The following ENOPH1 variants were observed in gnomAD, a reference collection of about 807,000 sequenced individuals.
ENOPH1 encodes enolase-phosphatase E1.
In ENOPH1, 14 loss-of-function variants were observed where a neutral mutation model predicts 31.1. The ratio of observed to expected loss-of-function variants is 0.45; its 90% CI spans 0.30 to 0.70. The LOEUF is 0.70. Ranked by LOEUF, ENOPH1 falls within the 30% of genes least tolerant of loss-of-function variation. The pLI, the probability that ENOPH1 is intolerant of heterozygous loss-of-function variation, is 0.09. For missense variants in ENOPH1, 243 were observed against 321.5 expected (o/e 0.76, Z 1.87); for synonymous variants, 127 against 123.2 (o/e 1.03, Z -0.21).
chr4:82,451,318 TC>T (rs1158687201), intron 3 of ENOPH1, 73 bp downstream of exon 3: 14 of 1,424,486 alleles, frequency 9.8e-6, no homozygotes, highest in Non-Finnish European at 1.4e-5. Context: ...GTCCTCTCTT[TC>T]CAGCGTAAGT....
chr4:82,434,238 C>T (rs1024122761), intron 1 of ENOPH1, among the ~76,000 whole-genome samples: 1 of 152,170 alleles, frequency 6.6e-6, no homozygotes, highest in Non-Finnish European at 1.5e-5. Context: ...TGTTAAATGA[C>T]ACAGTTAGTA....
chr4:82,457,132 G>A (rs1722511080), intron 5 of ENOPH1, 94 bp downstream of exon 5: 9 of 1,165,442 alleles, frequency 7.7e-6, no homozygotes, highest in Non-Finnish European at 1.1e-5. Context: ...TTTATATGGG[G>A]ATCCTTGAAA....
At chr4:82,444,474 G>A (rs765551338) in intron 1 of ENOPH1, among the ~76,000 whole-genome samples, 4 of 151,998 alleles carry the variant, frequency 2.6e-5, no homozygotes, top group Non-Finnish European at 4.4e-5. Context: ...TTTATTACCC[G>A]TTTTCTTCAA....
intron 1 of ENOPH1, among the ~76,000 whole-genome samples, chr4:82,440,874 A>T (rs891815442): frequency 6.6e-6 from 1 of 152,200 alleles, no homozygotes; most frequent in South Asian, 2.1e-4. Context: ...TTCAGTTTTC[A>T]ACCTACACCC....
At chr4:82,440,278 A>C (rs1199124546) in intron 1 of ENOPH1, among the ~76,000 whole-genome samples, 3 of 152,204 alleles carry the variant, frequency 2.0e-5, no homozygotes, top group Non-Finnish European at 4.4e-5. Flanking sequence ...TTTTCTTTGT[A>C]TGAAACCTCT....
chr4:82,430,978 A>G, intron 1 of ENOPH1, 65 bp downstream of exon 1: 1 of 1,469,284 alleles, frequency 6.8e-7, no homozygotes, highest in South Asian at 1.2e-5. Context: ...TTTTCTAAGT[A>G]TTTCAGGCCT....
intron 1 of ENOPH1, among the ~76,000 whole-genome samples, 194 bp downstream of exon 1, chr4:82,431,107 C>T (rs1409940829): frequency 6.6e-6 from 1 of 152,190 alleles, no homozygotes. Context: ...ACTAGCTTCT[C>T]CCTCCCCCGC....
intron 1 of ENOPH1, among the ~76,000 whole-genome samples, chr4:82,434,016 A>G (rs1721841362): frequency 6.6e-6 from 1 of 152,116 alleles, no homozygotes; most frequent in South Asian, 2.1e-4. Flanking sequence ...GCAGTACTCA[A>G]TCCTTGACTC....
chr4:82,443,203 G>T (rs1354996430), intron 1 of ENOPH1, among the ~76,000 whole-genome samples: 1 of 152,082 alleles, frequency 6.6e-6, no homozygotes, highest in African/African-American at 2.4e-5. Context: ...TTGGGAGGCC[G>T]CGATGGGATG....
At chr4:82,456,796 A>G (rs1305212502) in intron 4 of ENOPH1, 119 bp from the exon 5 acceptor site, 8 of 1,281,032 alleles carry the variant, frequency 6.2e-6, no homozygotes, top group African/African-American at 1.5e-5. Context: ...CCTATTAAGT[A>G]GATTTTCAGA....
intron 2 of ENOPH1, among the ~76,000 whole-genome samples, chr4:82,450,122 A>G (rs1177600738): frequency 2.0e-5 from 3 of 152,202 alleles, no homozygotes; most frequent in Non-Finnish European, 4.4e-5. Flanking sequence ...AAATGTAGTT[A>G]TGTCCTTTGG....
chr4:82,451,391 T>C (rs1722347661), intron 3 of ENOPH1, 146 bp downstream of exon 3: 6 of 833,336 alleles, frequency 7.2e-6, no homozygotes, highest in Non-Finnish European at 1.1e-5. Context: ...TGAGCTTTGT[T>C]TCATTTTTTC....
chr4:82,450,872 G>C (rs2110044854), intron 2 of ENOPH1, among the ~76,000 whole-genome samples, 171 bp from the exon 3 acceptor site: 1 of 152,236 alleles, frequency 6.6e-6, no homozygotes, highest in East Asian at 1.9e-4. Flanking sequence ...TATTAATCCA[G>C]GTTCTTTTAG....
At chr4:82,433,975 G>A (rs1328314208) in intron 1 of ENOPH1, among the ~76,000 whole-genome samples, 1 of 152,178 alleles carries the variant, frequency 6.6e-6, no homozygotes, top group Non-Finnish European at 1.5e-5. Context: ...TCTGTGGAAT[G>A]ATGGAAGGAA....
At position 82,460,045 on chromosome 4, in the gene ENOPH1, A is replaced by G; in HGVS notation, c.711A>G (p.Gly237=). 1 of 1,614,192 alleles carries G rather than the reference A, an allele frequency of 6.2e-7. No individual in the cohort carries two copies. Residue 237 remains glycine, a synonymous_variant, in exon 6 of 6, where the codon GGA becomes GGG. Coordinates refer to ENST00000273920, the MANE Select transcript of ENOPH1 (RefSeq NM_021204.5). ...TGGTGGTGAGACCAGGCAACGCAGGATTAACAGATGATGAGAAGACTTACT... is the reference window on the plus strand; with the variant it reads ...TGGTGGTGAGACCAGGCAACGCAGGGTTAACAGATGATGAGAAGACTTACT... ...VAVVVRPGNA[G]LTDDEKTYYS... is the part of the protein sequence containing the mutation.
At position 82,448,014 on chromosome 4, in the gene ENOPH1, G is replaced by C. The variant is rs1476123100; in HGVS notation, c.179G>C (p.Arg60Thr). Residue 60 changes from arginine to threonine, a missense_variant, in exon 2 of 6, where the codon AGG becomes ACG. Coordinates refer to ENST00000273920, the MANE Select transcript of ENOPH1 (RefSeq NM_021204.5). ...EECQQDVSLLRKQAEEDAHLD... is the reference protein window; with the variant it reads ...EECQQDVSLLTKQAEEDAHLD... ...TGCCAGCAGGATGTCAGTCTTTTGA[G>C]GAAACAGGTTGGGACATTTCTGTCT... 6.2e-7 allele frequency: 1 copy of C among 1,608,892 alleles called. No individual in the cohort carries two copies. Among genetic ancestry groups the C allele is most frequent in the Non-Finnish European group, 8.5e-7 (1 of 1,175,960 alleles).
At chr4:82,451,346 C>T (rs1722346251) in intron 3 of ENOPH1, 101 bp downstream of exon 3, 2 of 1,134,140 alleles carry the variant, frequency 1.8e-6, no homozygotes, top group African/African-American at 1.5e-5. Flanking sequence ...ACTGGTAAAA[C>T]AGATAAAAAT....
At chr4:82,456,517 A>T (rs1722495122) in intron 4 of ENOPH1, among the ~76,000 whole-genome samples, 1 of 152,194 alleles carries the variant, frequency 6.6e-6, no homozygotes, top group African/African-American at 2.4e-5. Flanking sequence ...GGTTAGAGAA[A>T]TTTTTTCATC....
At chr4:82,448,858 A>G in intron 2 of ENOPH1, among the ~76,000 whole-genome samples, 1 of 151,058 alleles carries the variant, frequency 6.6e-6, no homozygotes, top group Non-Finnish European at 1.5e-5. Context: ...GGAGATCGAG[A>G]CCATCTCGGC....
Sources: allele counts gnomAD v4.1 joint callset (sites outside exome capture counted in the v4.1 genomes callset), GRCh38; gene constraint gnomAD v4.1.1; transcripts MANE v1.5; gene names NCBI Gene and HGNC (gene_info 2026-07-23, HGNC 2026-07-21).